ACTL6A: variants seen among roughly 807,000 people sequenced by gnomAD.
ACTL6A encodes actin like 6A, also known as actin-like protein 6A.
In ACTL6A, 5 loss-of-function variants were observed where a neutral mutation model predicts 59.2. The observed-to-expected ratio is 0.08, with a 90% CI of 0.04 to 0.18. ACTL6A has a LOEUF of 0.18. ACTL6A is among the 10% of genes least tolerant of loss of function. The probability of loss-of-function intolerance (pLI) is 1.00; values close to 1 mark genes in which losing one functional copy is unlikely to be tolerated. For synonymous variants in ACTL6A, 154 were observed against 171.8 expected, an observed-to-expected ratio of 0.90 and a Z score of 0.81; for missense variants, 285 against 526.9, an observed-to-expected ratio of 0.54 and a Z score of 4.49.
At chr3:179,569,736 A>T in intron 1 of ACTL6A, 88 bp from the exon 2 acceptor site, 1 of 1,119,024 alleles carries the variant, frequency 8.9e-7, no homozygotes, top group South Asian at 1.3e-5. Flanking sequence ...GGATTGCTTG[A>T]GCCTAGGAGG....
chr3:179,574,492 T>A, intron 5 of ACTL6A, 25 bp downstream of exon 5: 1 of 1,449,974 alleles, frequency 6.9e-7, no homozygotes. Context: ...GTAATACCTT[T>A]CCTCTTGAAG....
intron 1 of ACTL6A, among the ~76,000 whole-genome samples, chr3:179,566,688 T>C (rs576807574): frequency 9.2e-5 from 14 of 151,772 alleles, no homozygotes; most frequent in African/African-American, 3.4e-4. Context: ...TTTGTTGTTG[T>C]TGTTGTTGTT....
chr3:179,567,181 C>G (rs1273718565), intron 1 of ACTL6A, among the ~76,000 whole-genome samples: 1 of 151,986 alleles, frequency 6.6e-6, no homozygotes, highest in Non-Finnish European at 1.5e-5. Flanking sequence ...GCCTGGCCAA[C>G]ATGGTGAAAC....
intron 4 of ACTL6A, 28 bp downstream of exon 4, chr3:179,573,497 T>C (rs368642905): frequency 1.2e-5 from 18 of 1,459,302 alleles, no homozygotes; most frequent in Non-Finnish European, 1.6e-5. Flanking sequence ...TTTTTCACGT[T>C]TCTCTAGTTG....
Position 179,563,129 on chromosome 3 carries a change from C to A in ACTL6A, c.25+12C>A. Reference sequence around the variant, plus strand: ...CGTGTACGGGGGAGGTGAGTGAGTGCGGCCGGACGAGAGAGCGCGCCTTTT... The same window carrying A: ...CGTGTACGGGGGAGGTGAGTGAGTGAGGCCGGACGAGAGAGCGCGCCTTTT... On this transcript the variant is annotated intron_variant, in intron 1 of 13. Transcript: ENST00000429709. The A allele has an allele frequency of 1.9e-6, 3 of 1,611,148 alleles. No homozygotes were observed. The highest frequency in any genetic ancestry group is 2.2e-5 in the East Asian group (1 of 44,778).
At chr3:179,576,547 C>T (rs528238715) in intron 6 of ACTL6A, 73 bp from the exon 7 acceptor site, 3 of 1,158,564 alleles carry the variant, frequency 2.6e-6, no homozygotes, top group East Asian at 2.3e-5. Flanking sequence ...CACATAAATA[C>T]ACCCACAGAG....
At chr3:179,580,024 C>T (rs1478716485) in intron 8 of ACTL6A, among the ~76,000 whole-genome samples, 4 of 152,130 alleles carry the variant, frequency 2.6e-5, no homozygotes, top group African/African-American at 7.2e-5. Flanking sequence ...CCTCCTGTCT[C>T]GGCCTCTTAA....
intron 1 of ACTL6A, among the ~76,000 whole-genome samples, chr3:179,567,830 G>A (rs1225335195): frequency 1.3e-5 from 2 of 152,082 alleles, no homozygotes; most frequent in African/African-American, 4.8e-5. Flanking sequence ...TAACAAATAC[G>A]TAAACTTTCT....
intron 1 of ACTL6A, among the ~76,000 whole-genome samples, chr3:179,564,846 A>AT (rs999619268): frequency 1.4e-5 from 2 of 147,522 alleles, no homozygotes; most frequent in Admixed American, 6.7e-5. Flanking sequence ...TTCGTTGTAC[A>AT]TTTTTTCCCA....
At chr3:179,586,485 A>AGAATT in intron 12 of ACTL6A, 61 bp from the exon 13 acceptor site, 1 of 1,250,210 alleles carries the variant, frequency 8.0e-7, no homozygotes, top group South Asian at 1.6e-5. Context: ...AAAAAAAAAA[A>AGAATT]AGAATTTTCT....
intron 12 of ACTL6A, chr3:179,584,343 T>A (rs1718420891): frequency 6.6e-6 from 1 of 152,198 alleles, no homozygotes; most frequent in South Asian, 2.1e-4. Context: ...AAAATTTCTA[T>A]CAGCTGGGCG....
At chr3:179,586,347 G>T (rs1432098614) in intron 12 of ACTL6A, 199 bp from the exon 13 acceptor site, 4 of 412,368 alleles carry the variant, frequency 9.7e-6, no homozygotes, top group Non-Finnish European at 1.7e-5. Context: ...TTCCTGGCTG[G>T]GTGCAAGTGG....
At position 179,584,048 on chromosome 3, in the gene ACTL6A, G is replaced by A. The variant is rs192759950; in HGVS notation, c.1122+600G>A. On this transcript the variant is annotated intron_variant, in intron 12 of 13. Transcript: ENST00000429709. ...GATGGATTAGTTTCCTAGAGCTGCC[G>A]TAACAAAGTACATGTTAGTGGCTTC... 9.8e-4 allele frequency among the ~76,000 whole-genome samples: 150 copies of A among 152,298 alleles called. 2 individuals carry two copies. Among genetic ancestry groups the A allele is most frequent in the Admixed American group, 8.4e-3 (129 of 15,282 alleles).
intron 9 of ACTL6A, 44 bp downstream of exon 9, chr3:179,580,745 G>T: frequency 6.9e-7 from 1 of 1,459,578 alleles, no homozygotes; most frequent in South Asian, 1.3e-5. Context: ...ATGAGGAAAG[G>T]ATTTGTTTAA....
At chr3:179,565,721 C>G (rs1384136968) in intron 1 of ACTL6A, among the ~76,000 whole-genome samples, 1 of 152,032 alleles carries the variant, frequency 6.6e-6, no homozygotes, top group Non-Finnish European at 1.5e-5. Flanking sequence ...AGTGAGACTG[C>G]TACCAGATTT....
Position 179,568,199 on chromosome 3 carries a change from C to T in ACTL6A, c.26-1625C>T, listed in dbSNP as rs576280885. On this transcript the variant is annotated intron_variant, in intron 1 of 13. Transcript: ENST00000429709. ...CAAAAAAAAAAAAAAAAAAAGAGAT[C>T]ATTCTGCAAAGCTACTGTCTCTTAA... Among the ~76,000 whole-genome samples the T allele has an allele frequency of 8.0e-5, 12 of 149,134 alleles. No homozygotes were observed. In the South Asian group the frequency reaches 1.1e-3, roughly 13 times the overall value.
At position 179,563,193 on chromosome 3, in the gene ACTL6A, C is replaced by A. The variant is rs564280008; in HGVS notation, c.25+76C>A. On this transcript the variant is annotated intron_variant, in intron 1 of 13. Coordinates refer to ENST00000429709, the MANE Select transcript of ACTL6A (RefSeq NM_004301.5). ...TTGTAACCGCCGCTCCCAGCCCTCC[C>A]CTCCCCGGCGTTCCCTTCCGGTCTC... 1.1e-5 allele frequency: 17 copies of A among 1,538,372 alleles called. No individual in the cohort carries two copies. In the African/African-American group the frequency reaches 2.2e-4, roughly 20 times the overall value.
At chr3:179,576,570 AG>A (rs1341029184) in intron 6 of ACTL6A, 49 bp from the exon 7 acceptor site, 1 of 1,429,460 alleles carries the variant, frequency 7.0e-7, no homozygotes, top group Non-Finnish European at 9.8e-7. Context: ...AATTCGTTCA[AG>A]GAAGTTTGGA....
At chr3:179,581,291 A>AACAATGATTTG in intron 11 of ACTL6A, 71 bp downstream of exon 11, 1 of 1,236,790 alleles carries the variant, frequency 8.1e-7, no homozygotes, top group Non-Finnish European at 1.2e-6. Context: ...AATCATTGTT[A>AACAATGATTTG]GGTTGACAGT....
Sources: gnomAD v4.1 joint callset for allele counts (sites outside exome capture counted in the v4.1 genomes callset) on GRCh38, gnomAD v4.1.1 for gene constraint, MANE v1.5 for transcripts, NCBI Gene and HGNC (gene_info 2026-07-23, HGNC 2026-07-21) for gene names.